The following LAMA1 variants were observed in gnomAD, a reference collection of about 807,000 sequenced individuals.
LAMA1 encodes laminin subunit alpha 1, also known as laminin subunit alpha-1.
In LAMA1, 219 loss-of-function variants were observed where a neutral mutation model predicts 348.7. The ratio of observed to expected loss-of-function variants is 0.63; its 90% CI spans 0.56 to 0.70. The LOEUF is 0.70. Ranked by LOEUF, LAMA1 falls within the 30% of genes least tolerant of loss-of-function variation. The pLI is 0.00. For missense variants in LAMA1, 3,744 were observed against 3,888.0 expected (o/e 0.96, Z 0.99); for synonymous variants, 1,487 against 1,491.0 (o/e 1.00, Z 0.06).
chr18:7,065,736 C>G (rs1269080467), intron 3 of LAMA1, among the ~76,000 whole-genome samples: 2 of 152,136 alleles, frequency 1.3e-5, no homozygotes, highest in Admixed American at 1.3e-4. Context: ...CAAAAATCAG[C>G]CCAGTTGGCT....
Position 7,010,351 on chromosome 18 carries a change from A to C in LAMA1, c.3722T>G (p.Val1241Gly). 1 of 1,614,198 alleles carries C rather than the reference A, an allele frequency of 6.2e-7. No homozygotes were observed. The highest frequency in any genetic ancestry group is 8.5e-7 in the Non-Finnish European group (1 of 1,180,036). The change falls in exon 26 of 63, where the codon GTG becomes GGG. Residue 1241 changes from valine (V) to glycine (G), a missense_variant. By Grantham distance (109) the Val-to-Gly change is moderately radical. Transcript: ENST00000389658. ...GACGCCATCCAAAGAATAGAAGGCC[A>C]CGCTGTACTTCAGTTTGCCACCATA... ...MAYGGKLKYS[V>G]AFYSLDGVGT...
intron 3 of LAMA1, among the ~76,000 whole-genome samples, chr18:7,071,198 G>A (rs561014314): frequency 6.6e-6 from 1 of 152,290 alleles, no homozygotes; most frequent in Admixed American, 6.5e-5. Flanking sequence ...TGGTTTCCAG[G>A]CCTAGCTTGA....
At chr18:7,075,374 G>A (rs889687189) in intron 3 of LAMA1, among the ~76,000 whole-genome samples, 4 of 152,228 alleles carry the variant, frequency 2.6e-5, no homozygotes, top group Admixed American at 6.5e-5. Flanking sequence ...TGTGATCCCG[G>A]CATTTTGGGA....
At chr18:7,064,859 C>A (rs941446034) in intron 3 of LAMA1, among the ~76,000 whole-genome samples, 1 of 152,090 alleles carries the variant, frequency 6.6e-6, no homozygotes, top group African/African-American at 2.4e-5. Context: ...TTCTCATGAT[C>A]GTCTTGTAAA....
At chr18:6,979,772 G>A (rs892809022) in intron 42 of LAMA1, among the ~76,000 whole-genome samples, 214 of 151,940 alleles carry the variant, frequency 1.4e-3, no homozygotes, top group African/African-American at 4.4e-3. Context: ...GGTGGCGGGC[G>A]CCTGTAGTCC....
chr18:6,960,421 CAT>C (rs1486121761), intron 53 of LAMA1: 4 of 152,102 alleles, frequency 2.6e-5, no homozygotes, highest in African/African-American at 9.7e-5. Context: ...AAGACATCAT[CAT>C]ATGATTCCAT....
At chr18:7,076,288 C>T (rs2058168075) in intron 3 of LAMA1, among the ~76,000 whole-genome samples, 2 of 152,140 alleles carry the variant, frequency 1.3e-5, no homozygotes, top group Admixed American at 1.3e-4. Context: ...AGGAAGAAAC[C>T]TGACTTTTAA....
chr18:7,046,735 A>T (rs2058043211), intron 5 of LAMA1, among the ~76,000 whole-genome samples: 1 of 152,224 alleles, frequency 6.6e-6, no homozygotes, highest in South Asian at 2.1e-4. Context: ...TGCAAAGTTA[A>T]TCTACCACAC....
At chr18:7,004,144 A>G (rs1045139310) in intron 29 of LAMA1, among the ~76,000 whole-genome samples, 1 of 152,182 alleles carries the variant, frequency 6.6e-6, no homozygotes, top group Admixed American at 6.5e-5. Flanking sequence ...CAGGGAAACA[A>G]GGACCCCCTA....
At chr18:6,992,080 T>C (rs754095228) in intron 36 of LAMA1, among the ~76,000 whole-genome samples, 1 of 152,258 alleles carries the variant, frequency 6.6e-6, no homozygotes, top group Admixed American at 6.5e-5. Flanking sequence ...TGACTGTATG[T>C]AAGAATGCTT....
chr18:6,979,761 C>T (rs1196245122), intron 42 of LAMA1, among the ~76,000 whole-genome samples: 14 of 151,208 alleles, frequency 9.3e-5, no homozygotes, highest in South Asian at 4.2e-4. Context: ...TAGCCGGGGA[C>T]GGTGGCGGGC....
intron 32 of LAMA1, among the ~76,000 whole-genome samples, chr18:6,999,218 CCAGAGGAATAAACTG>C (rs1483483659): frequency 6.6e-6 from 1 of 152,016 alleles, no homozygotes; most frequent in African/African-American, 2.4e-5. Context: ...GCTCTGAGTG[CCAGAGGAATAAACTG>C]CTATCTTAGA....
intron 36 of LAMA1, among the ~76,000 whole-genome samples, chr18:6,987,501 T>G (rs148807149): frequency 3.3e-5 from 5 of 152,356 alleles, no homozygotes; most frequent in African/African-American, 1.2e-4. Flanking sequence ...TTTTCCTATG[T>G]CTTTATAAAT....
At chr18:6,995,320 C>T in intron 34 of LAMA1, 37 bp downstream of exon 34, 2 of 1,418,608 alleles carry the variant, frequency 1.4e-6, no homozygotes, top group Non-Finnish European at 2.0e-6. Context: ...ATGGGAGGGA[C>T]CAGGAGGAAG....
At chr18:7,111,818 T>A (rs143677400) in intron 1 of LAMA1, among the ~76,000 whole-genome samples, 93 of 152,328 alleles carry the variant, frequency 6.1e-4, no homozygotes, top group African/African-American at 2.2e-3. Flanking sequence ...TTCTGAAGAA[T>A]GTAACGAAAA....
chr18:6,943,070 G>C, intron 62 of LAMA1, 110 bp downstream of exon 62: 1 of 913,016 alleles, frequency 1.1e-6, no homozygotes, highest in Non-Finnish European at 1.8e-6. Flanking sequence ...TAAAGGATTT[G>C]TCACCCAAAC....
intron 1 of LAMA1, among the ~76,000 whole-genome samples, chr18:7,109,308 C>A (rs918134050): frequency 1.3e-5 from 2 of 152,170 alleles, no homozygotes; most frequent in Non-Finnish European, 2.9e-5. Flanking sequence ...AATGCTAGAA[C>A]CCCCCTGGGG....
Position 7,037,573 on chromosome 18 carries a change from C to T in LAMA1, c.1737+5G>A, listed in dbSNP as rs776319764. ...AGACATCGCTACCTGCAGGGTCACA[C>T]GCACCTTATTTCCAAGGTAGGCCTC... is the stretch of plus-strand genomic sequence containing the variant. On this transcript the variant is annotated splice_donor_5th_base_variant and intron_variant, in intron 12 of 62. Coordinates refer to ENST00000389658, the MANE Select transcript of LAMA1 (RefSeq NM_005559.4). 2.9e-5 allele frequency: 46 copies of T among 1,613,852 alleles called. No homozygotes were observed. Among genetic ancestry groups the T allele is most frequent in the East Asian group, 6.7e-5 (3 of 44,872 alleles).
chr18:7,023,076 C>T (rs1351366607), intron 19 of LAMA1, 88 bp downstream of exon 19: 4 of 1,399,384 alleles, frequency 2.9e-6, no homozygotes, highest in African/African-American at 2.9e-5. Context: ...ACCTCCTAGG[C>T]GGGGCCCTGT....
Sources: gnomAD v4.1 joint callset for allele counts (sites outside exome capture counted in the v4.1 genomes callset) on GRCh38, gnomAD v4.1.1 for gene constraint, MANE v1.5 for transcripts, NCBI Gene and HGNC (gene_info 2026-07-23, HGNC 2026-07-21) for gene names.